Variants in SMG6 observed in about 807,000 individuals in gnomAD.
SMG6 encodes the protein SMG6 nonsense mediated mRNA decay factor.
A neutral mutation model predicts 142.2 loss-of-function variants in SMG6; 66 were observed. That is an observed-to-expected ratio of 0.46 (90% CI 0.38 to 0.57). The LOEUF is 0.57. SMG6 is among the 20% of genes least tolerant of loss of function. The pLI, the probability that SMG6 is intolerant of heterozygous loss-of-function variation, is 0.00. For missense variants in SMG6, 1,793 were observed against 1,832.0 expected, an observed-to-expected ratio of 0.98 and a Z score of 0.39; for synonymous variants, 779 against 702.4, an observed-to-expected ratio of 1.11 and a Z score of -1.72.
intron 13 of SMG6, among the ~76,000 whole-genome samples, chr17:2,101,976 A>T (rs2069020153): frequency 1.3e-5 from 2 of 152,066 alleles, no homozygotes; most frequent in Admixed American, 1.3e-4. Context: ...GAAGAGAAAA[A>T]GGCAGCCTCT....
At chr17:2,168,186 A>C (rs550312490) in intron 13 of SMG6, among the ~76,000 whole-genome samples, 1 of 151,512 alleles carries the variant, frequency 6.6e-6, no homozygotes, top group Non-Finnish European at 1.5e-5. Flanking sequence ...GGTTTTTTTT[A>C]AAAAAATTTT....
chr17:2,303,316 T>G (rs2075327552), intron 1 of SMG6: 1 of 1,137,954 alleles, frequency 8.8e-7, no homozygotes, highest in East Asian at 4.3e-5. Context: ...CCTTTCCGCG[T>G]CTCCCGATGC....
chr17:2,154,995 G>C (rs12449873), intron 13 of SMG6, among the ~76,000 whole-genome samples: 42,400 of 151,682 alleles, frequency 0.28, 7,663 homozygotes, highest in Admixed American at 0.39. Context: ...CTGCATTCCA[G>C]CACTGGCAAC....
chr17:2,226,888 A>C (rs558877820), intron 10 of SMG6, among the ~76,000 whole-genome samples: 24 of 152,324 alleles, frequency 1.6e-4, no homozygotes, highest in Admixed American at 4.6e-4. Flanking sequence ...GTGACGGCAG[A>C]GTGAGACTCC....
At chr17:2,165,179 T>C (rs1308668895) in intron 13 of SMG6, among the ~76,000 whole-genome samples, 1 of 152,058 alleles carries the variant, frequency 6.6e-6, no homozygotes, top group Non-Finnish European at 1.5e-5. Flanking sequence ...CTAAGGCAAA[T>C]TCCCATACTA....
At chr17:2,258,024 A>AG (rs1399835993) in intron 8 of SMG6, among the ~76,000 whole-genome samples, 4 of 57,642 alleles carry the variant, frequency 6.9e-5, no homozygotes, top group Non-Finnish European at 1.8e-4. Flanking sequence ...AAAAAAAAAA[A>AG]AAAAAAAAAA....
At chr17:2,263,105 G>A (rs1009590463) in intron 8 of SMG6, among the ~76,000 whole-genome samples, 5 of 152,064 alleles carry the variant, frequency 3.3e-5, no homozygotes, top group African/African-American at 1.2e-4. Context: ...GAAGATAAAC[G>A]CCCTTTACAC....
chr17:2,130,120 C>A (rs1303874291), intron 13 of SMG6, among the ~76,000 whole-genome samples: 1 of 150,828 alleles, frequency 6.6e-6, no homozygotes, highest in South Asian at 2.1e-4. Context: ...ATTAGCTGGG[C>A]GTGGTGGCGG....
At chr17:2,261,351 C>G (rs112229115) in intron 8 of SMG6, among the ~76,000 whole-genome samples, 7,264 of 151,848 alleles carry the variant, frequency 0.048, 282 homozygotes, top group Non-Finnish European at 0.07. Context: ...GACAGCGATA[C>G]AAGTAAATAA....
intron 16 of SMG6, among the ~76,000 whole-genome samples, chr17:2,067,226 T>G (rs2067977852): frequency 6.6e-6 from 1 of 152,152 alleles, no homozygotes; most frequent in Non-Finnish European, 1.5e-5. Context: ...AATCCGGATT[T>G]CCTTACTAAA....
chr17:2,251,712 A>C (rs1192989230), intron 8 of SMG6, among the ~76,000 whole-genome samples: 1 of 152,238 alleles, frequency 6.6e-6, no homozygotes, highest in African/African-American at 2.4e-5. Context: ...GAGCTAAATC[A>C]GTAGGCAGCT....
chr17:2,273,941 A>G (rs1251066073), intron 8 of SMG6, among the ~76,000 whole-genome samples: 1 of 152,240 alleles, frequency 6.6e-6, no homozygotes, highest in African/African-American at 2.4e-5. Flanking sequence ...TGGTGAATTT[A>G]TTGAATGTAT....
At chr17:2,186,907 A>G in intron 11 of SMG6, 76 bp from the exon 12 acceptor site, 1 of 1,518,788 alleles carries the variant, frequency 6.6e-7, no homozygotes, top group Non-Finnish European at 8.9e-7. Flanking sequence ...CTGGGACGGC[A>G]GCAAGCTCTT....
At position 2,065,057 on chromosome 17, in the gene SMG6, G is replaced by T; in HGVS notation, c.4129+16C>A. On this transcript the variant is annotated intron_variant, in intron 18 of 18. Coordinates refer to ENST00000263073, the MANE Select transcript of SMG6 (RefSeq NM_017575.5). ...CAGTGGGGATGGAAGATCCCAAGGC[G>T]GAGGCAAAGCTGTACCTTTGCTGGC... 1 of 1,608,262 alleles carries T rather than the reference G, an allele frequency of 6.2e-7. No individual in the cohort carries two copies. The highest frequency in any genetic ancestry group is 8.5e-7 in the Non-Finnish European group (1 of 1,175,130).
At chr17:2,194,707 C>CAAAAAAAAAAAAAAAAAAAAA (rs11415492) in intron 10 of SMG6, among the ~76,000 whole-genome samples, 3 of 139,952 alleles carry the variant, frequency 2.1e-5, no homozygotes, top group African/African-American at 2.7e-5. Flanking sequence ...GAAAACAAAA[C>CAAAAAAAAAAAAAAAAAAAAA]AAAACAAAAA....
Position 2,099,526 on chromosome 17 carries a change from C to T in SMG6, c.3358-13625G>A, listed in dbSNP as rs769576631. Among the ~76,000 whole-genome samples the T allele has an allele frequency of 4.7e-4, 71 of 151,990 alleles. 1 individual carries two copies. Among genetic ancestry groups the T allele is most frequent in the Admixed American group, 3.9e-3 (59 of 15,272 alleles). ...TACATCCACATCTGAAGAACCCCCA[C>T]AGCATATTAAAAAATGTAGTATGCA... On this transcript the variant is annotated intron_variant, in intron 13 of 18. Coordinates refer to ENST00000263073, the MANE Select transcript of SMG6 (RefSeq NM_017575.5).
intron 8 of SMG6, among the ~76,000 whole-genome samples, chr17:2,279,371 T>C (rs1042006459): frequency 6.6e-6 from 1 of 152,162 alleles, no homozygotes; most frequent in Non-Finnish European, 1.5e-5. Context: ...AGCCAGATCA[T>C]GAGGAGCCTA....
At chr17:2,111,382 C>A (rs187116413) in intron 13 of SMG6, among the ~76,000 whole-genome samples, 72 of 152,072 alleles carry the variant, frequency 4.7e-4, no homozygotes, top group African/African-American at 1.6e-3. Flanking sequence ...AAGGTGCAAG[C>A]CACAAAAAAG....
At chr17:2,151,462 C>CA (rs2070822902) in intron 13 of SMG6, among the ~76,000 whole-genome samples, 1 of 152,192 alleles carries the variant, frequency 6.6e-6, no homozygotes, top group African/African-American at 2.4e-5. Flanking sequence ...CTTCTCTGAA[C>CA]ACATTGCTCC....
Sources: allele counts gnomAD v4.1 joint callset (sites outside exome capture counted in the v4.1 genomes callset), GRCh38; gene constraint gnomAD v4.1.1; transcripts MANE v1.5; gene names NCBI Gene and HGNC (gene_info 2026-07-23, HGNC 2026-07-21).